Variants in TOP2A observed in about 807,000 individuals in gnomAD.
TOP2A encodes DNA topoisomerase 2-alpha.
Under a neutral mutation model 187.2 loss-of-function variants are expected in TOP2A, and 68 were observed. The observed-to-expected ratio is 0.36, with a 90% CI of 0.30 to 0.44. TOP2A has a LOEUF of 0.44. Ranked by LOEUF, TOP2A falls within the 20% of genes least tolerant of loss-of-function variation. The pLI, the probability that TOP2A is intolerant of heterozygous loss-of-function variation, is 1.00. For synonymous variants in TOP2A, 542 were observed against 593.2 expected (o/e 0.91, Z 1.25); for missense variants, 1,196 against 1,808.7 (o/e 0.66, Z 6.14).
In TOP2A at chr17:40,400,601, A is replaced by C; in HGVS notation, c.2727T>G (p.Ile909Met). The change falls in exon 22 of 35, where the codon ATT becomes ATG. Residue 909 changes from isoleucine to methionine, a missense_variant. Ile to Met is a conservative substitution (Grantham distance 10). Coordinates refer to ENST00000423485, the MANE Select transcript of TOP2A (RefSeq NM_001067.4). ...IEELAPNQYV[I>M]SGEVAILNST... is the part of the protein sequence containing the mutation. ...AATTAAGAATAGCTACTTCACCACT[A>C]ATCACATATTGATTTGGAGCCAGTT... The C allele has an allele frequency of 6.2e-7, 1 of 1,611,056 alleles. No individual in the cohort carries two copies.
chr17:40,393,344 G>GA (rs1335971704), intron 29 of TOP2A, among the ~76,000 whole-genome samples: 1 of 151,596 alleles, frequency 6.6e-6, no homozygotes, highest in Non-Finnish European at 1.5e-5. Context: ...GAAAAAAAAA[G>GA]AAAAAAGGAC....
intron 13 of TOP2A, among the ~76,000 whole-genome samples, 196 bp from the exon 14 acceptor site, chr17:40,407,138 C>T (rs911879491): frequency 1.3e-5 from 2 of 152,164 alleles, no homozygotes; most frequent in Non-Finnish European, 2.9e-5. Context: ...GTGGCATCCG[C>T]CTGCAATCCC....
chr17:40,391,401 T>A, intron 33 of TOP2A, 105 bp downstream of exon 33: 1 of 1,135,450 alleles, frequency 8.8e-7, no homozygotes, highest in Non-Finnish European at 1.2e-6. Flanking sequence ...AAACATTTAA[T>A]CTGTAATATC....
chr17:40,411,402 A>G lies in TOP2A; in HGVS notation c.1017T>C (p.Asp339=), dbSNP rs767615958. The change falls in exon 9 of 35, where the codon GAT becomes GAC. Residue 339 remains aspartate, a synonymous_variant. Coordinates refer to ENST00000423485, the MANE Select transcript of TOP2A (RefSeq NM_001067.4). This position sits in a 1 kb window ranked among gnomAD's most constrained non-coding sequence, Gnocchi z 4.4. The part of the protein sequence containing the change: ...VADQIVTKLV[D]VVKKKNKGGV... The stretch of plus-strand genomic sequence containing the variant: ...CACCCTTGTTCTTCTTCTTCACAAC[A>G]TCAACAAGTTTAGTCACAATCTGAT... 1 of 1,613,872 alleles carries G rather than the reference A, an allele frequency of 6.2e-7. No individual in the cohort carries two copies. Among genetic ancestry groups the G allele is most frequent in the Non-Finnish European group, 8.5e-7 (1 of 1,179,842 alleles).
chr17:40,406,697 A>T lies in TOP2A; in HGVS notation c.1738-8T>A, dbSNP rs551608825. 6.8e-6 allele frequency: 11 copies of T among 1,609,202 alleles called. No homozygotes were observed. The East Asian group carries it at 2.2e-4, about 33-fold the overall frequency. On this transcript the variant is annotated splice_polypyrimidine_tract_variant and splice_region_variant and intron_variant, in intron 14 of 34. Transcript: ENST00000423485. ...TTGCTTGTTTTTAGATACCTGTGAT[A>T]AAAAACAATGACTGTGGCTTTGTAC...
chr17:40,398,792 C>T lies in TOP2A; in HGVS notation c.3434G>A (p.Cys1145Tyr), dbSNP rs2035136003. 1 of 1,611,550 alleles carries T rather than the reference C, an allele frequency of 6.2e-7. No homozygotes were observed. Among genetic ancestry groups the T allele is most frequent in the Non-Finnish European group, 8.5e-7 (1 of 1,179,196 alleles). The part of the protein sequence containing the change: ...YLTKEKKDEL[C>Y]RLRNEKEQEL... ...ACTCACTTTTTCATTTCTTAGCCTGCAGAGTTCATCTTTCTTTTCCTTGGT... is the reference window on the plus strand; with the variant it reads ...ACTCACTTTTTCATTTCTTAGCCTGTAGAGTTCATCTTTCTTTTCCTTGGT... Residue 1145 changes from cysteine to tyrosine, a missense_variant, in exon 26 of 35, where the codon TGC (cysteine) becomes TAC (tyrosine). Physicochemically the swap from Cys to Tyr is radical, Grantham distance 194. Around this residue, in one of 10 missense-constraint regions of TOP2A, gnomAD observed 22 missense variants for 21.1 expected, o/e 1.04. Transcript: ENST00000423485.
chr17:40,398,319 G>T (rs560057984), intron 27 of TOP2A, among the ~76,000 whole-genome samples: 25 of 151,998 alleles, frequency 1.6e-4, no homozygotes, highest in African/African-American at 5.8e-4. Context: ...GGCCAGGCTG[G>T]TCTTGAACCC....
intron 29 of TOP2A, among the ~76,000 whole-genome samples, chr17:40,395,080 T>C (rs1015570204): frequency 1.3e-5 from 2 of 152,010 alleles, no homozygotes; most frequent in Non-Finnish European, 2.9e-5. Context: ...GTCAGGAGTT[T>C]GAGACCAGCC....
At chr17:40,392,468 C>T in intron 30 of TOP2A, 117 bp downstream of exon 30, 2 of 1,476,466 alleles carry the variant, frequency 1.4e-6, no homozygotes, top group Non-Finnish European at 1.8e-6. Context: ...TGTTTCAAAG[C>T]TTTAACATAA....
At chr17:40,393,835 C>T (rs912595841) in intron 29 of TOP2A, among the ~76,000 whole-genome samples, 2 of 152,034 alleles carry the variant, frequency 1.3e-5, no homozygotes, top group Non-Finnish European at 2.9e-5. Context: ...GTGGGCAGAT[C>T]GCTTGAGGTC....
chr17:40,416,943 G>A, intron 1 of TOP2A, 48 bp from the exon 2 acceptor site: 3 of 1,495,124 alleles, frequency 2.0e-6, no homozygotes, highest in Non-Finnish European at 2.7e-6. Context: ...TTAATCATAA[G>A]TTTACCCTAA....
At chr17:40,413,146 C>CA in intron 6 of TOP2A, 49 bp downstream of exon 6, 1 of 1,386,540 alleles carries the variant, frequency 7.2e-7, no homozygotes, top group Non-Finnish European at 1.0e-6. Flanking sequence ...TTATAAATGG[C>CA]TATACTACTA....
At chr17:40,410,078 ACT>A (rs536851005) in intron 10 of TOP2A, 292 of 156,508 alleles carry the variant, frequency 1.9e-3, no homozygotes, top group African/African-American at 6.6e-3. Context: ...ACAGAGCGAG[ACT>A]CTGCCTAAAA....
rs544564789 is a variant in TOP2A at position 40,407,571 on chromosome 17, T to G, written c.1604A>C (p.Lys535Thr). 47 of 1,587,014 alleles carry G rather than the reference T, an allele frequency of 3.0e-5. No individual in the cohort carries two copies. The highest frequency in any genetic ancestry group is 3.7e-5 in the Non-Finnish European group (43 of 1,173,778). ...GACCTGATCTGTCATAATCATTATC[T>G]TCCCATAACGAAGCGTCTTCAATGA... ...EDSLKTLRYGKIMIMTDQDQD... is the reference protein window; with the variant it reads ...EDSLKTLRYGTIMIMTDQDQD... Residue 535 changes from lysine to threonine, a missense_variant, in exon 13 of 35, where the codon AAG becomes ACG. By Grantham distance (78) the Lys-to-Thr change is moderately conservative (BLOSUM62 -1). Around this residue, in one of 10 missense-constraint regions of TOP2A, gnomAD observed 252 missense variants for 434.8 expected, o/e 0.58. Transcript: ENST00000423485.
chr17:40,396,381 C>G lies in TOP2A; in HGVS notation c.3622G>C (p.Ala1208Pro). The G allele has an allele frequency of 1.2e-6, 2 of 1,613,970 alleles. No individual in the cohort carries two copies. Among genetic ancestry groups the G allele is most frequent in the Non-Finnish European group, 1.7e-6 (2 of 1,179,874 alleles). ...CCACGCGGAGAAGGCAAAACTTCAGCCATTTGTGTTTTTTTCCCCTTGGCC... is the reference window on the plus strand; with the variant it reads ...CCACGCGGAGAAGGCAAAACTTCAGGCATTTGTGTTTTTTTCCCCTTGGCC... The part of the protein sequence containing the change: ...GKAKGKKTQM[A>P]EVLPSPRGQR... The change falls in exon 28 of 35, where the codon GCT becomes CCT. Residue 1208 changes from alanine to proline, a missense_variant. Transcript: ENST00000423485.
At chr17:40,412,580 G>A (rs2035335630) in intron 7 of TOP2A, among the ~76,000 whole-genome samples, 179 bp downstream of exon 7, 1 of 152,176 alleles carries the variant, frequency 6.6e-6, no homozygotes, top group African/African-American at 2.4e-5. Context: ...GGAGGTGGAG[G>A]TTGCGGTGAG....
Position 40,400,205 on chromosome 17 carries a change from A to C in TOP2A, c.3000+4T>G. The C allele has an allele frequency of 3.1e-6, 5 of 1,613,434 alleles. No homozygotes were observed. The highest frequency in any genetic ancestry group is 2.5e-6 in the Non-Finnish European group (3 of 1,179,396). ...CGTGTACATCTCACAAAACAAATAC[A>C]TACCATAGAGTTGCATGTGAGACTA... is the stretch of plus-strand genomic sequence containing the variant. On this transcript the variant is annotated splice_donor_region_variant and intron_variant, in intron 23 of 34. Coordinates refer to ENST00000423485, the MANE Select transcript of TOP2A (RefSeq NM_001067.4).
In TOP2A at chr17:40,398,874, C is replaced by G. The variant is rs746667611; in HGVS notation, c.3352G>C (p.Val1118Leu). The change falls in exon 26 of 35, where the codon GTA becomes CTA. Residue 1118 changes from valine (V) to leucine (L), a missense_variant. Transcript: ENST00000423485. ...NEKETEKSDS[V>L]TDSGPTFNYL... is the part of the protein sequence containing the mutation. The stretch of plus-strand genomic sequence containing the variant: ...TTGAAGGTTGGTCCAGAATCTGTTA[C>G]GGAGTCACTCTTTTCAGTTTCCTTT... 1 of 1,613,778 alleles carries G rather than the reference C, an allele frequency of 6.2e-7. No individual in the cohort carries two copies. The highest frequency in any genetic ancestry group is 8.5e-7 in the Non-Finnish European group (1 of 1,179,832).
Position 40,401,003 on chromosome 17 carries a change from C to G in TOP2A, c.2511G>C (p.Glu837Asp), listed in dbSNP as rs767910741. The G allele has an allele frequency of 2.5e-6, 4 of 1,613,984 alleles. No individual in the cohort carries two copies. Among genetic ancestry groups the G allele is most frequent in the Non-Finnish European group, 3.4e-6 (4 of 1,179,882 alleles). ...GAATAATAGGAATGTACCATTCAGG[C>G]TCAACACGCTGGTTGTCATCATATA... ...KFLYDDNQRV[E>D]PEWYIPIIPM... Residue 837 changes from glutamate to aspartate, a missense_variant, in exon 21 of 35, where the codon GAG becomes GAC. Around this residue, in one of 10 missense-constraint regions of TOP2A, gnomAD observed 209 missense variants for 376.9 expected, o/e 0.55. Coordinates refer to ENST00000423485, the MANE Select transcript of TOP2A (RefSeq NM_001067.4).
Sources: gnomAD v4.1 joint callset for allele counts (sites outside exome capture counted in the v4.1 genomes callset) on GRCh38, gnomAD v4.1.1 for gene constraint, gnomAD v4.1.1 regional missense constraint, Gnocchi (gnomAD v3.1) non-coding constraint, MANE v1.5 for transcripts, NCBI Gene and HGNC (gene_info 2026-07-23, HGNC 2026-07-21) for gene names.